Variants in LOC128706665 observed in about 807,000 individuals in gnomAD.
chr20:10,424,698 G>A, the LOC128706665 span, among the ~76,000 whole-genome samples: 1 of 151,974 alleles, frequency 6.6e-6, no homozygotes, highest in African/African-American at 2.4e-5. Context: ...AACATATTTT[G>A]GGGATACAAT....
At chr20:10,415,026 C>T in the LOC128706665 span, among the ~76,000 whole-genome samples, 1 of 151,996 alleles carries the variant, frequency 6.6e-6, no homozygotes, top group African/African-American at 2.4e-5. Context: ...AGTCTAAATA[C>T]CATAAAATGT....
At chr20:10,415,688 T>G in the LOC128706665 span, among the ~76,000 whole-genome samples, 8 of 152,226 alleles carry the variant, frequency 5.3e-5, no homozygotes, top group South Asian at 8.3e-4. Flanking sequence ...ACGTTAAAAC[T>G]TACATACACA....
chr20:10,426,008 GA>G, the LOC128706665 span, among the ~76,000 whole-genome samples: 3 of 152,290 alleles, frequency 2.0e-5, no homozygotes, highest in East Asian at 5.8e-4. Context: ...GTTAAGTTTA[GA>G]AAAAGTTTAG....
chr20:10,428,716 GT>G, the LOC128706665 span, among the ~76,000 whole-genome samples: 1 of 152,134 alleles, frequency 6.6e-6, no homozygotes, highest in Non-Finnish European at 1.5e-5. Flanking sequence ...GGGTGCACCT[GT>G]AATCCCAGTT....
chr20:10,430,113 G>C, the LOC128706665 span, among the ~76,000 whole-genome samples: 1 of 152,188 alleles, frequency 6.6e-6, no homozygotes, highest in Admixed American at 6.5e-5. Flanking sequence ...TTTTTGACTA[G>C]AGTGAAATCT....
chr20:10,424,918 T>G, the LOC128706665 span, among the ~76,000 whole-genome samples: 1 of 151,970 alleles, frequency 6.6e-6, no homozygotes. Context: ...GCTGGTGTGG[T>G]GGCAGGCGCC....
At chr20:10,431,220 G>A in the LOC128706665 span, among the ~76,000 whole-genome samples, 78,627 of 151,832 alleles carry the variant, frequency 0.52, 20,693 homozygotes, top group Non-Finnish European at 0.56. Context: ...TATTATCATC[G>A]AATATTTTGA....
chr20:10,426,107 T>A, the LOC128706665 span, among the ~76,000 whole-genome samples: 1 of 152,254 alleles, frequency 6.6e-6, no homozygotes, highest in Admixed American at 6.5e-5. Flanking sequence ...TTTTTCATTT[T>A]GTTTTGCTTT....
the LOC128706665 span, among the ~76,000 whole-genome samples, chr20:10,430,658 G>T: frequency 2.0e-4 from 30 of 152,298 alleles, no homozygotes; most frequent in African/African-American, 7.0e-4. Context: ...TTTGGGGTTT[G>T]ACTAGGGTAG....
the LOC128706665 span, among the ~76,000 whole-genome samples, chr20:10,425,473 C>A: frequency 1.3e-5 from 2 of 152,154 alleles, no homozygotes; most frequent in African/African-American, 4.8e-5. Flanking sequence ...TTCAAATGAA[C>A]TTGACAAGAA....
chr20:10,430,037 A>C, the LOC128706665 span, among the ~76,000 whole-genome samples: 4 of 112,562 alleles, frequency 3.6e-5, no homozygotes, highest in Middle Eastern at 4.3e-3. Context: ...AAAACAAAAA[A>C]CAAAAAAACA....
chr20:10,427,755 C>T, the LOC128706665 span, among the ~76,000 whole-genome samples: 2 of 152,278 alleles, frequency 1.3e-5, no homozygotes, highest in Middle Eastern at 6.8e-3. Context: ...ACTCATTTTG[C>T]TGGACTTCTC....
At chr20:10,415,686 A>T in the LOC128706665 span, among the ~76,000 whole-genome samples, 1 of 152,234 alleles carries the variant, frequency 6.6e-6, no homozygotes, top group Non-Finnish European at 1.5e-5. Flanking sequence ...GCACGTTAAA[A>T]CTTACATACA....
the LOC128706665 span, among the ~76,000 whole-genome samples, chr20:10,433,007 TTTTA>T: frequency 2.1e-4 from 32 of 152,242 alleles, no homozygotes; most frequent in African/African-American, 7.0e-4. Flanking sequence ...CCCAGAATGT[TTTTA>T]TTTATTTATT....
At chr20:10,414,622 A>G in the LOC128706665 span, among the ~76,000 whole-genome samples, 9 of 152,318 alleles carry the variant, frequency 5.9e-5, no homozygotes, top group Non-Finnish European at 1.3e-4. Flanking sequence ...TGAAGATTTA[A>G]TATTATGTTT....
At chr20:10,428,506 T>A in the LOC128706665 span, among the ~76,000 whole-genome samples, 1 of 152,226 alleles carries the variant, frequency 6.6e-6, no homozygotes, top group Non-Finnish European at 1.5e-5. Flanking sequence ...TGAACACCTC[T>A]AACTTGTTGT....
the LOC128706665 span, among the ~76,000 whole-genome samples, chr20:10,414,617 A>G: frequency 4.2e-4 from 64 of 152,170 alleles, no homozygotes; most frequent in Non-Finnish European, 6.8e-4. Flanking sequence ...CAACATGAAG[A>G]TTTAATATTA....
At chr20:10,418,177 G>A in the LOC128706665 span, among the ~76,000 whole-genome samples, 1 of 152,214 alleles carries the variant, frequency 6.6e-6, no homozygotes, top group South Asian at 2.1e-4. Context: ...GGACTACATA[G>A]TGGAGCTTAA....
the LOC128706665 span, among the ~76,000 whole-genome samples, chr20:10,429,590 G>C: frequency 8.6e-5 from 13 of 152,020 alleles, no homozygotes; most frequent in African/African-American, 3.1e-4. Flanking sequence ...TTCCTGTTTC[G>C]TTAACAAAAA....
Sources: gnomAD v4.1 joint callset for allele counts (sites outside exome capture counted in the v4.1 genomes callset) on GRCh38, gnomAD v4.1.1 for gene constraint, MANE v1.5 for transcripts.